NCOR1: variants seen among roughly 807,000 people sequenced by gnomAD.
The protein encoded by NCOR1 is protein phosphatase 1, regulatory subunit 109.
In NCOR1, 63 loss-of-function variants were observed where a neutral mutation model predicts 288.1. The ratio of observed to expected loss-of-function variants is 0.22; its 90% CI spans 0.18 to 0.27. The LOEUF is 0.27. NCOR1 is among the 10% of genes least tolerant of loss of function. NCOR1 has a pLI of 1.00. For synonymous variants in NCOR1, 1,007 were observed against 1,065.9 expected (o/e 0.94, Z 1.08); for missense variants, 2,397 against 3,019.2 (o/e 0.79, Z 4.83).
Position 16,151,253 on chromosome 17 carries a change from G to T in NCOR1, c.842+693C>A, listed in dbSNP as rs183971959. On this transcript the variant is annotated intron_variant, in intron 8 of 45. Transcript: ENST00000268712. ...CTAGCTTCCTCTCTTACTTCAATCA[G>T]ATCAAGAAATTAGATTTTCTTTTCA... Among the ~76,000 whole-genome samples the T allele has an allele frequency of 1.1e-4, 16 of 151,376 alleles. No homozygotes were observed. The East Asian group carries it at 3.1e-3, about 29-fold the overall frequency.
intron 23 of NCOR1, among the ~76,000 whole-genome samples, chr17:16,081,161 G>C (rs747914507): frequency 6.6e-6 from 1 of 150,676 alleles, no homozygotes; most frequent in Non-Finnish European, 1.5e-5. Flanking sequence ...AAAATTTTAA[G>C]AATCAACCTT....
Position 16,101,441 on chromosome 17 carries a change from T to C in NCOR1, c.2499A>G (p.Ala833=), listed in dbSNP as rs760865549. The change falls in exon 20 of 46, where the codon GCA becomes GCG. Residue 833 remains alanine (A), a synonymous_variant. Coordinates refer to ENST00000268712, the MANE Select transcript of NCOR1 (RefSeq NM_006311.4). ...DVEVRVPENH[A]SKVEGDNTKE... is the part of the protein sequence containing the mutation. Reference sequence around the variant, plus strand: ...TGGTATTATCACCTTCAACTTTAGATGCATGGTTTTCTGGCACCCTCACTT... The same window carrying C: ...TGGTATTATCACCTTCAACTTTAGACGCATGGTTTTCTGGCACCCTCACTT... 8.7e-6 allele frequency: 14 copies of C among 1,614,232 alleles called. No homozygotes were observed. Among genetic ancestry groups the C allele is most frequent in the African/African-American group, 1.3e-5 (1 of 75,052 alleles).
At chr17:16,084,588 T>C (rs1214107408) in intron 23 of NCOR1, among the ~76,000 whole-genome samples, 2 of 152,196 alleles carry the variant, frequency 1.3e-5, no homozygotes, top group Non-Finnish European at 2.9e-5. Context: ...GCTACAGTAA[T>C]CAAGACTGTG....
chr17:16,149,292 C>CGTATATAT (rs71299857), intron 9 of NCOR1, among the ~76,000 whole-genome samples, 159 bp downstream of exon 9: 1 of 137,962 alleles, frequency 7.2e-6, no homozygotes, highest in Admixed American at 7.2e-5. Context: ...AGATTTAAGT[C>CGTATATAT]ATATATATAT....
At chr17:16,167,863 A>G (rs2153452436) in intron 4 of NCOR1, among the ~76,000 whole-genome samples, 1 of 149,974 alleles carries the variant, frequency 6.7e-6, no homozygotes, top group Admixed American at 6.6e-5. Flanking sequence ...CCATCTCAAA[A>G]AAAAAAAAAA....
chr17:16,205,828 T>G (rs1459909965), intron 1 of NCOR1, among the ~76,000 whole-genome samples: 1 of 149,236 alleles, frequency 6.7e-6, no homozygotes, highest in African/African-American at 2.5e-5. Context: ...TCCCAGCTAC[T>G]AGGGAGGCTG....
chr17:16,199,204 GAAAAAAAA>G (rs71353779), intron 1 of NCOR1, among the ~76,000 whole-genome samples: 1 of 99,856 alleles, frequency 1.0e-5, no homozygotes, highest in African/African-American at 3.6e-5. Context: ...AATACAGAAG[GAAAAAAAA>G]AAAAACACAC....
chr17:16,087,637 T>A (rs1023182505), intron 22 of NCOR1, among the ~76,000 whole-genome samples: 1 of 152,200 alleles, frequency 6.6e-6, no homozygotes, highest in Non-Finnish European at 1.5e-5. Flanking sequence ...CAGGCAAACA[T>A]CAGATTATCA....
intron 3 of NCOR1, among the ~76,000 whole-genome samples, chr17:16,186,235 AT>A (rs1471461987): frequency 6.6e-6 from 1 of 152,200 alleles, no homozygotes; most frequent in African/African-American, 2.4e-5. Flanking sequence ...CCAGAGATTG[AT>A]TTAAGTGTTT....
intron 3 of NCOR1, among the ~76,000 whole-genome samples, chr17:16,175,563 G>T (rs1030088271): frequency 6.6e-6 from 1 of 152,098 alleles, no homozygotes; most frequent in Non-Finnish European, 1.5e-5. Flanking sequence ...TGCTAAAAGA[G>T]AATATTCCAT....
intron 34 of NCOR1, among the ~76,000 whole-genome samples, chr17:16,064,494 T>A (rs929094719): frequency 2.6e-5 from 4 of 151,640 alleles, no homozygotes; most frequent in Non-Finnish European, 5.9e-5. Context: ...TCCCAGCTAC[T>A]CCAGAGGCTG....
chr17:16,081,433 G>A lies in NCOR1; in HGVS notation c.3178-706C>T, dbSNP rs544782740. Among the ~76,000 whole-genome samples the A allele has an allele frequency of 1.4e-3, 203 of 149,718 alleles. 1 individual carries two copies. The highest frequency in any genetic ancestry group is 4.7e-3 in the African/African-American group (193 of 40,838). On this transcript the variant is annotated intron_variant, in intron 23 of 45. Coordinates refer to ENST00000268712, the MANE Select transcript of NCOR1 (RefSeq NM_006311.4). ...AGGTAAAAACAGGTAAAAACAATGG[G>A]CTTTGTGGCATTTTAACTTGTTCCA...
chr17:16,051,077 G>C (rs1313296588), intron 40 of NCOR1, among the ~76,000 whole-genome samples: 1 of 152,116 alleles, frequency 6.6e-6, no homozygotes, highest in East Asian at 1.9e-4. Context: ...GGCCTCAAGC[G>C]ATCCTCTCGC....
chr17:16,048,972 G>T lies in NCOR1; in HGVS notation c.6409C>A (p.Pro2137Thr). The change falls in exon 41 of 46, where the codon CCA becomes ACA. Residue 2137 changes from proline (P) to threonine (T), a missense_variant. Pro to Thr is a conservative substitution (Grantham distance 38, BLOSUM62 -1). Transcript: ENST00000268712. ...TCCGAAGAGACGTGACTCCTCTCTG[G>T]GGATTTTCCAGGCCTACTATTGTAA... ...KSRGSRPGKS[P>T]ERSHVSSEPY... The T allele has an allele frequency of 6.2e-7, 1 of 1,609,678 alleles. No homozygotes were observed. The highest frequency in any genetic ancestry group is 8.5e-7 in the Non-Finnish European group (1 of 1,177,198).
chr17:16,138,349 C>T (rs2076722202), intron 12 of NCOR1, 137 bp from the exon 13 acceptor site: 2 of 662,600 alleles, frequency 3.0e-6, no homozygotes, highest in South Asian at 3.9e-5. Context: ...CTTTGGGAGG[C>T]CGAAGAAGGT....
chr17:16,082,111 C>T (rs1030914128), intron 23 of NCOR1, among the ~76,000 whole-genome samples: 2 of 151,706 alleles, frequency 1.3e-5, no homozygotes, highest in African/African-American at 2.4e-5. Flanking sequence ...TGGCTACACA[C>T]AACAAATAAT....
intron 10 of NCOR1, 144 bp from the exon 11 acceptor site, chr17:16,143,840 TTTAAG>T (rs2077479000): frequency 1.8e-6 from 1 of 570,860 alleles, no homozygotes; most frequent in African/African-American, 1.9e-5. Context: ...AGTATATACT[TTTAAG>T]TAATATGCTG....
At chr17:16,080,539 T>A in intron 24 of NCOR1, 30 bp from the exon 25 acceptor site, 1 of 1,613,602 alleles carries the variant, frequency 6.2e-7, no homozygotes, top group Non-Finnish European at 8.5e-7. Context: ...CATGAAACAA[T>A]CCAGTACTAA....
chr17:16,207,841 C>A (rs1415129600), intron 1 of NCOR1, among the ~76,000 whole-genome samples: 1 of 151,536 alleles, frequency 6.6e-6, no homozygotes, highest in African/African-American at 2.4e-5. Context: ...TAAAAACAGC[C>A]AAACAGCCCA....
Sources: gnomAD v4.1 joint callset for allele counts (sites outside exome capture counted in the v4.1 genomes callset) on GRCh38, gnomAD v4.1.1 for gene constraint, MANE v1.5 for transcripts, NCBI Gene and HGNC (gene_info 2026-07-23, HGNC 2026-07-21) for gene names.